Variants in PTPN5 observed in about 807,000 individuals in gnomAD.
PTPN5 encodes the protein tyrosine-protein phosphatase non-receptor type 5.
A neutral mutation model predicts 73.9 loss-of-function variants in PTPN5; 29 were observed. The ratio of observed to expected loss-of-function variants is 0.39; its 90% CI spans 0.29 to 0.54. The LOEUF is 0.54. Among genes scored for constraint, PTPN5 ranks in the 20% least tolerant of loss-of-function variants. The probability of loss-of-function intolerance (pLI) is 0.65; values close to 1 mark genes in which losing one functional copy is unlikely to be tolerated. For synonymous variants in PTPN5, 267 were observed against 304.7 expected (o/e 0.88, Z 1.29); for missense variants, 652 against 751.4 (o/e 0.87, Z 1.55).
intron 2 of PTPN5, among the ~76,000 whole-genome samples, chr11:18,771,721 T>C (rs998581066): frequency 1.3e-5 from 2 of 152,170 alleles, no homozygotes; most frequent in Non-Finnish European, 2.9e-5. Flanking sequence ...TTAAAGAAGA[T>C]GGCCAAACCA....
chr11:18,785,575 C>A (rs1325831818), intron 1 of PTPN5, among the ~76,000 whole-genome samples: 1 of 152,196 alleles, frequency 6.6e-6, no homozygotes, highest in African/African-American at 2.4e-5. Flanking sequence ...CAGACAACAT[C>A]TTTAGGCAGA....
At position 18,737,872 on chromosome 11, in the gene PTPN5, G is replaced by A; in HGVS notation, c.1000+8C>T. ...TGCCCCCATCCCTCTGGGACAGTGA[G>A]TACTCACTGGGAAGTATGGTTTTGT... is the stretch of plus-strand genomic sequence containing the variant. On this transcript the variant is annotated splice_region_variant and intron_variant, in intron 9 of 14. Transcript: ENST00000358540. 1.2e-6 allele frequency: 2 copies of A among 1,612,282 alleles called. No homozygotes were observed. The highest frequency in any genetic ancestry group is 1.7e-4 in the Middle Eastern group (1 of 6,058).
At chr11:18,759,121 A>C (rs930065012) in intron 3 of PTPN5, among the ~76,000 whole-genome samples, 8 of 152,162 alleles carry the variant, frequency 5.3e-5, no homozygotes, top group Admixed American at 2.6e-4. Context: ...ACTGGCCTGG[A>C]CCTGACGCCC....
At chr11:18,781,139 C>T (rs991691119) in intron 1 of PTPN5, among the ~76,000 whole-genome samples, 3 of 151,994 alleles carry the variant, frequency 2.0e-5, no homozygotes, top group Non-Finnish European at 4.4e-5. Flanking sequence ...TGATCTTTGC[C>T]GCACCCCCCC....
chr11:18,769,266 G>A (rs555237377), intron 2 of PTPN5, among the ~76,000 whole-genome samples: 6 of 152,260 alleles, frequency 3.9e-5, no homozygotes, highest in African/African-American at 1.4e-4. Context: ...ATGCAGACAC[G>A]ACTGTACCCT....
chr11:18,750,224 A>G (rs1169038851), intron 3 of PTPN5, among the ~76,000 whole-genome samples: 4 of 152,128 alleles, frequency 2.6e-5, no homozygotes, highest in Non-Finnish European at 5.9e-5. Context: ...CCTCACAACA[A>G]TCCCAGAAGG....
At chr11:18,754,814 G>A (rs1053734449) in intron 3 of PTPN5, among the ~76,000 whole-genome samples, 4 of 152,074 alleles carry the variant, frequency 2.6e-5, no homozygotes, top group African/African-American at 7.2e-5. Flanking sequence ...CTTTTACCTC[G>A]TGCATCGTTT....
intron 3 of PTPN5, among the ~76,000 whole-genome samples, chr11:18,761,850 A>G (rs1342386653): frequency 6.6e-6 from 1 of 152,108 alleles, no homozygotes; most frequent in Non-Finnish European, 1.5e-5. Context: ...GAGAGAGGTG[A>G]GTGTGCAAGA....
intron 1 of PTPN5, among the ~76,000 whole-genome samples, chr11:18,791,276 G>A (rs940410732): frequency 6.6e-6 from 1 of 152,210 alleles, no homozygotes; most frequent in African/African-American, 2.4e-5. Context: ...AACCGCGCAC[G>A]GGCTTCGTGG....
At chr11:18,777,361 A>C (rs892173855) in intron 1 of PTPN5, among the ~76,000 whole-genome samples, 14 of 152,200 alleles carry the variant, frequency 9.2e-5, no homozygotes, top group Non-Finnish European at 1.3e-4. Context: ...TGGAGATTAA[A>C]TGAATGTTGA....
rs1178071626 is a variant in PTPN5 at position 18,742,692 on chromosome 11, G to A, written c.484-189C>T. Among the ~76,000 whole-genome samples the A allele has an allele frequency of 1.3e-5, 2 of 152,008 alleles. No individual in the cohort carries two copies. Among genetic ancestry groups the A allele is most frequent in the Admixed American group, 1.3e-4 (2 of 15,254 alleles). On this transcript the variant is annotated intron_variant, in intron 6 of 14. Transcript: ENST00000358540. This position sits in a 1 kb window ranked among gnomAD's most constrained non-coding sequence, Gnocchi z 4.1. ...GGCTCCATGCCCACTCTCCTTCCCTGCCCCTCCCTCTCCCAGCTCTCTGTT... is the reference window on the plus strand; with the variant it reads ...GGCTCCATGCCCACTCTCCTTCCCTACCCCTCCCTCTCCCAGCTCTCTGTT...
chr11:18,782,231 CTT>C (rs756637739), intron 1 of PTPN5, among the ~76,000 whole-genome samples: 8 of 146,120 alleles, frequency 5.5e-5, no homozygotes, highest in Non-Finnish European at 4.5e-5. Flanking sequence ...AAAACTATGT[CTT>C]TTTTTTTTTT....
chr11:18,764,215 C>A (rs1222366474), intron 3 of PTPN5, among the ~76,000 whole-genome samples: 1 of 152,218 alleles, frequency 6.6e-6, no homozygotes, highest in African/African-American at 2.4e-5. Flanking sequence ...AGTTCTATGA[C>A]TGGACCACTT....
intron 7 of PTPN5, among the ~76,000 whole-genome samples, chr11:18,741,322 G>T (rs1055519350): frequency 6.6e-6 from 1 of 152,156 alleles, no homozygotes; most frequent in Non-Finnish European, 1.5e-5. Context: ...GGAGTCCCAG[G>T]AGCAGCACGG....
chr11:18,781,380 C>T (rs1190035705), intron 1 of PTPN5, among the ~76,000 whole-genome samples: 1 of 132,886 alleles, frequency 7.5e-6, no homozygotes, highest in Non-Finnish European at 1.5e-5. Flanking sequence ...AGCGCAGCGG[C>T]GCGATCTAGG....
chr11:18,765,785 G>T, intron 3 of PTPN5, 22 bp downstream of exon 3: 2 of 1,516,744 alleles, frequency 1.3e-6, no homozygotes, highest in Non-Finnish European at 1.8e-6. Flanking sequence ...TCTGGGAGGA[G>T]CTGGGTGCTG....
At chr11:18,772,486 C>T (rs1403134861) in intron 1 of PTPN5, among the ~76,000 whole-genome samples, 1 of 152,230 alleles carries the variant, frequency 6.6e-6, no homozygotes, top group Non-Finnish European at 1.5e-5. Context: ...TCTGAGCAGA[C>T]TGCAAACTTG....
At chr11:18,752,328 T>A (rs1849926878) in intron 3 of PTPN5, among the ~76,000 whole-genome samples, 1 of 152,132 alleles carries the variant, frequency 6.6e-6, no homozygotes, top group Non-Finnish European at 1.5e-5. Flanking sequence ...TGGTGAGTAC[T>A]CAATAAATGG....
intron 1 of PTPN5, among the ~76,000 whole-genome samples, chr11:18,781,917 T>C (rs571644720): frequency 2.6e-5 from 4 of 151,580 alleles, no homozygotes; most frequent in African/African-American, 9.7e-5. Flanking sequence ...CAAGCAGGAG[T>C]TCACCAGATA....
Sources: gnomAD v4.1 joint callset for allele counts (sites outside exome capture counted in the v4.1 genomes callset) on GRCh38, gnomAD v4.1.1 for gene constraint, Gnocchi (gnomAD v3.1) non-coding constraint, MANE v1.5 for transcripts, NCBI Gene and HGNC (gene_info 2026-07-23, HGNC 2026-07-21) for gene names.